Variants in COL5A2 observed in about 807,000 individuals in gnomAD.
COL5A2 encodes the protein collagen type V alpha 2 chain.
In COL5A2, 23 loss-of-function variants were observed where a neutral mutation model predicts 208.2. That is an observed-to-expected ratio of 0.11 (90% confidence interval 0.08 to 0.16). The LOEUF (loss-of-function observed/expected upper bound fraction) is 0.16, where lower values mean the gene tolerates loss of function less well. COL5A2 is among the 10% of genes least tolerant of loss of function. The pLI, the probability that COL5A2 is intolerant of heterozygous loss-of-function variation, is 1.00. For synonymous variants in COL5A2, 625 were observed against 628.5 expected (o/e 0.99, Z 0.08); for missense variants, 1,590 against 1,956.4 (o/e 0.81, Z 3.53).
the COL5A2 span, chr2:189,311,460 C>T: frequency 1.9e-6 from 2 of 1,076,630 alleles, no homozygotes; most frequent in African/African-American, 3.1e-5. Flanking sequence ...TTCAGCAGGG[C>T]CTCCTATTCC....
At chr2:189,258,982 T>G in the COL5A2 span, among the ~76,000 whole-genome samples, 1 of 152,194 alleles carries the variant, frequency 6.6e-6, no homozygotes, top group Non-Finnish European at 1.5e-5. Flanking sequence ...TCACCAGATG[T>G]TCTCTAAGAC....
At chr2:189,338,275 T>C in the COL5A2 span, among the ~76,000 whole-genome samples, 3 of 152,256 alleles carry the variant, frequency 2.0e-5, no homozygotes, top group East Asian at 5.8e-4. Context: ...TGCCACCCAG[T>C]TCAATATCCC....
At chr2:189,042,551 C>A (rs1162514186) in intron 49 of COL5A2, among the ~76,000 whole-genome samples, 169 bp downstream of exon 49, 1 of 152,098 alleles carries the variant, frequency 6.6e-6, no homozygotes, top group Non-Finnish European at 1.5e-5. Flanking sequence ...CAAGATATTT[C>A]TACTTAAAAT....
intron 1 of COL5A2, among the ~76,000 whole-genome samples, chr2:189,169,438 T>G (rs571521092): frequency 1.6e-4 from 25 of 152,314 alleles, no homozygotes; most frequent in African/African-American, 5.8e-4. Context: ...TTTTTTGTAT[T>G]AGTAAACCTA....
the COL5A2 span, among the ~76,000 whole-genome samples, chr2:189,337,343 C>T: frequency 4.6e-5 from 7 of 151,622 alleles, no homozygotes; most frequent in East Asian, 1.9e-4. Context: ...CCACTACGCC[C>T]GGCTAATTTT....
intron 1 of COL5A2, among the ~76,000 whole-genome samples, chr2:189,135,897 T>C (rs1687817986): frequency 6.6e-6 from 1 of 152,180 alleles, no homozygotes; most frequent in South Asian, 2.1e-4. Flanking sequence ...TCACAGCAAC[T>C]CCCATCCCTC....
At chr2:189,079,724 A>T (rs1236377605) in intron 14 of COL5A2, among the ~76,000 whole-genome samples, 1 of 152,212 alleles carries the variant, frequency 6.6e-6, no homozygotes, top group Non-Finnish European at 1.5e-5. Context: ...TCATAGTGCC[A>T]TCTTCATATG....
intron 1 of COL5A2, among the ~76,000 whole-genome samples, chr2:189,142,405 ATG>A (rs1301865257): frequency 4.6e-5 from 7 of 152,060 alleles, no homozygotes; most frequent in African/African-American, 1.4e-4. Context: ...ACCAATATTT[ATG>A]TGTTTTGTTA....
the COL5A2 span, among the ~76,000 whole-genome samples, chr2:189,383,262 C>G: frequency 6.6e-6 from 1 of 152,094 alleles, no homozygotes; most frequent in Non-Finnish European, 1.5e-5. Flanking sequence ...CTCCTGAGGC[C>G]TCTGTCTTTG....
At chr2:189,268,294 C>A in the COL5A2 span, among the ~76,000 whole-genome samples, 4 of 152,128 alleles carry the variant, frequency 2.6e-5, no homozygotes, top group Non-Finnish European at 5.9e-5. Context: ...ATATAACATT[C>A]TCTTCTCTTT....
intron 6 of COL5A2, among the ~76,000 whole-genome samples, chr2:189,094,522 G>A (rs1409237365): frequency 7.0e-6 from 1 of 142,854 alleles, no homozygotes; most frequent in Non-Finnish European, 1.5e-5. Context: ...AAGTAGAAAA[G>A]ACGAATGACC....
At chr2:189,367,671 C>T in the COL5A2 span, among the ~76,000 whole-genome samples, 289 of 152,296 alleles carry the variant, frequency 1.9e-3, 1 homozygote, top group African/African-American at 6.8e-3. Flanking sequence ...ACAACTGAAA[C>T]ACTCTATCTA....
chr2:189,381,210 T>C, the COL5A2 span, among the ~76,000 whole-genome samples: 1 of 152,036 alleles, frequency 6.6e-6, no homozygotes, highest in Non-Finnish European at 1.5e-5. Context: ...AAACATAAAC[T>C]TAAAACTTTT....
chr2:189,287,354 G>A, the COL5A2 span, among the ~76,000 whole-genome samples: 23 of 151,966 alleles, frequency 1.5e-4, no homozygotes, highest in East Asian at 2.5e-3. Context: ...TTCCAATTTT[G>A]TTACTGACCA....
At chr2:189,294,150 G>C in the COL5A2 span, among the ~76,000 whole-genome samples, 1 of 150,868 alleles carries the variant, frequency 6.6e-6, no homozygotes, top group African/African-American at 2.4e-5. Flanking sequence ...CAGCCTGAAC[G>C]GGCTGATAGC....
the COL5A2 span, among the ~76,000 whole-genome samples, chr2:189,398,036 C>T: frequency 6.6e-6 from 1 of 152,120 alleles, no homozygotes; most frequent in Admixed American, 6.5e-5. Context: ...GGTAATGCTT[C>T]TTTTAACCCA....
At chr2:189,095,077 C>A (rs1369197366) in intron 6 of COL5A2, 2 of 145,692 alleles carry the variant, frequency 1.4e-5, no homozygotes, top group Admixed American at 7.3e-5. Context: ...CCTAACATAT[C>A]AATAGTGTTA....
At chr2:189,419,817 G>A in the COL5A2 span, among the ~76,000 whole-genome samples, 15 of 149,618 alleles carry the variant, frequency 1.0e-4, no homozygotes, top group African/African-American at 3.7e-4. Context: ...GAAAAGAAAA[G>A]AAAAGAGAGG....
At chr2:189,415,895 C>T in the COL5A2 span, among the ~76,000 whole-genome samples, 8 of 152,116 alleles carry the variant, frequency 5.3e-5, no homozygotes, top group South Asian at 1.4e-3. Flanking sequence ...CTCCTGACCT[C>T]GTGATCCTCC....
Sources: allele counts gnomAD v4.1 joint callset (sites outside exome capture counted in the v4.1 genomes callset), GRCh38; gene constraint gnomAD v4.1.1; transcripts MANE v1.5; gene names NCBI Gene and HGNC (gene_info 2026-07-23, HGNC 2026-07-21).